The following ABL1 variants were observed in gnomAD, a reference collection of about 807,000 sequenced individuals.
The protein encoded by ABL1 is tyrosine-protein kinase ABL1.
A neutral mutation model predicts 94.7 loss-of-function variants in ABL1; 11 were observed. The ratio of observed to expected loss-of-function variants is 0.12; its 90% confidence interval spans 0.07 to 0.19. ABL1 has a LOEUF of 0.19. Ranked by LOEUF, ABL1 falls within the 10% of genes least tolerant of loss-of-function variation. ABL1 has a pLI of 1.00. For synonymous variants in ABL1, 656 were observed against 622.4 expected, an observed-to-expected ratio of 1.05 and a Z score of -0.80; for missense variants, 1,082 against 1,489.4, an observed-to-expected ratio of 0.73 and a Z score of 4.50.
At chr9:130,747,559 A>G (rs1481133033) in intron 1 of ABL1, among the ~76,000 whole-genome samples, 1 of 152,132 alleles carries the variant, frequency 6.6e-6, no homozygotes, top group Non-Finnish European at 1.5e-5. Flanking sequence ...GATTACAAGC[A>G]TGCGCCACAA....
At chr9:130,725,704 A>G (rs1445951379) in intron 1 of ABL1, among the ~76,000 whole-genome samples, 1 of 151,634 alleles carries the variant, frequency 6.6e-6, no homozygotes, top group East Asian at 1.9e-4. Context: ...TTAAAGGTGC[A>G]TCTGTTGTTA....
intron 1 of ABL1, among the ~76,000 whole-genome samples, chr9:130,844,037 A>C (rs1830719368): frequency 1.3e-5 from 2 of 152,146 alleles, no homozygotes; most frequent in Non-Finnish European, 2.9e-5. Context: ...AAAGCACATC[A>C]TGATCCCAGC....
chr9:130,714,502 A>G (rs1025153363), intron 1 of ABL1: 8 of 1,613,530 alleles, frequency 5.0e-6, no homozygotes, highest in South Asian at 1.1e-5. Context: ...TCATGCATTC[A>G]TCTTAGGCCT....
chr9:130,757,729 G>C (rs886869378), intron 1 of ABL1, among the ~76,000 whole-genome samples: 6 of 151,846 alleles, frequency 4.0e-5, no homozygotes, highest in Admixed American at 1.3e-4. Flanking sequence ...TTGTTATAGA[G>C]ATGGGGTTTC....
rs1484918308 is a variant in ABL1 at position 130,814,378 on chromosome 9, A to G, written c.137-39686A>G. Among the ~76,000 whole-genome samples, 1 of 152,240 alleles carries G rather than the reference A, an allele frequency of 6.6e-6. No individual in the cohort carries two copies. The highest frequency in any genetic ancestry group is 1.9e-4 in the East Asian group (1 of 5,202). ...TACAGAAATCATGAAACCAAAAGCTAGTTATTTGAGAGAGCAATGAAACTC... is the reference window on the plus strand; with the variant it reads ...TACAGAAATCATGAAACCAAAAGCTGGTTATTTGAGAGAGCAATGAAACTC... On this transcript the variant is annotated intron_variant, in intron 1 of 10. Coordinates refer to the ABL1 transcript ENST00000372348. The surrounding 1 kb of genome is among the most constrained non-coding windows in gnomAD (Gnocchi z 4.4).
chr9:130,732,447 CCTT>C (rs1831678784), intron 1 of ABL1, among the ~76,000 whole-genome samples: 1 of 152,088 alleles, frequency 6.6e-6, no homozygotes, highest in Admixed American at 6.6e-5. Context: ...CCAGCAGTAT[CCTT>C]TATCTATAAT....
intron 1 of ABL1, among the ~76,000 whole-genome samples, chr9:130,825,668 C>A (rs1028302047): frequency 1.3e-5 from 2 of 152,110 alleles, no homozygotes; most frequent in African/African-American, 4.8e-5. Flanking sequence ...TAAAAACAAA[C>A]AAGACTTAGT....
chr9:130,802,116 G>A (rs997580422), intron 1 of ABL1, among the ~76,000 whole-genome samples: 2 of 104,216 alleles, frequency 1.9e-5, no homozygotes, highest in African/African-American at 1.1e-4. Flanking sequence ...TTTTTGAAAT[G>A]GTCTCTCTCT....
chr9:130,768,724 A>C (rs1340775434), intron 1 of ABL1, among the ~76,000 whole-genome samples: 1 of 152,238 alleles, frequency 6.6e-6, no homozygotes, highest in East Asian at 1.9e-4. Flanking sequence ...TGTCTATAAT[A>C]GGCCCACTCT....
intron 1 of ABL1, among the ~76,000 whole-genome samples, chr9:130,732,670 A>G (rs1831681531): frequency 6.6e-6 from 1 of 152,078 alleles, no homozygotes; most frequent in South Asian, 2.1e-4. Context: ...CCCTGTTACC[A>G]TCTTCAGGTT....
intron 1 of ABL1, among the ~76,000 whole-genome samples, chr9:130,720,761 G>GAGTGATGATGCTTGGACCAA (rs1831504006): frequency 6.6e-6 from 1 of 152,174 alleles, no homozygotes; most frequent in African/African-American, 2.4e-5. Flanking sequence ...AGCCAGGTAA[G>GAGTGATGATGCTTGGACCAA]AGTGATGATG....
In ABL1 at chr9:130,880,040, T is replaced by G. The variant is rs200067673; in HGVS notation, c.1424-28T>G. 1 of 1,602,378 alleles carries G rather than the reference T, an allele frequency of 6.2e-7. No individual in the cohort carries two copies. Among genetic ancestry groups the G allele is most frequent in the African/African-American group, 1.3e-5 (1 of 74,798 alleles). On this transcript the variant is annotated intron_variant, in intron 8 of 10. Transcript: ENST00000318560. This position sits in a 1 kb window ranked among gnomAD's most constrained non-coding sequence, Gnocchi z 4.4. ...CGTATTGCTAGCCAGATCTCATGGA[T>G]GATCTGACTTGGGTTTCATCTGTCC... is the stretch of plus-strand genomic sequence containing the variant.
chr9:130,769,365 G>A (rs1042931789), intron 1 of ABL1, among the ~76,000 whole-genome samples: 3 of 100,422 alleles, frequency 3.0e-5, no homozygotes, highest in Non-Finnish European at 5.8e-5. Context: ...TTGGAGTTTC[G>A]CTCTTGTCCA....
chr9:130,878,293 G>T, intron 7 of ABL1, 122 bp from the exon 8 acceptor site: 1 of 1,190,702 alleles, frequency 8.4e-7, no homozygotes. Flanking sequence ...TAAAATGTCA[G>T]AGCCTGGGCT....
chr9:130,842,423 A>G (rs190803637), intron 1 of ABL1, among the ~76,000 whole-genome samples: 3 of 152,340 alleles, frequency 2.0e-5, no homozygotes, highest in East Asian at 3.9e-4. Context: ...CCTAGTCTTT[A>G]TCTGTCTTAC....
chr9:130,738,574 A>G (rs1463559009), intron 1 of ABL1, among the ~76,000 whole-genome samples: 1 of 152,204 alleles, frequency 6.6e-6, no homozygotes, highest in East Asian at 1.9e-4. Context: ...TTGTTTCATT[A>G]TCATGTTGAT....
chr9:130,781,370 A>G (rs1177159349), intron 1 of ABL1, among the ~76,000 whole-genome samples: 1 of 152,010 alleles, frequency 6.6e-6, no homozygotes, highest in Non-Finnish European at 1.5e-5. Flanking sequence ...CCCCATCCCC[A>G]CCCTCAGGCA....
chr9:130,885,777 T>G lies in ABL1; in HGVS notation c.*94T>G, dbSNP rs1190742324. 2 of 1,459,658 alleles carry G rather than the reference T, an allele frequency of 1.4e-6. No homozygotes were observed. The highest frequency in any genetic ancestry group is 1.8e-6 in the Non-Finnish European group (2 of 1,093,526). The allele number at this position is 1,459,658 out of a possible 1,614,324, so 90.4% of individuals were successfully genotyped here. ...GTGACAGTGGCTGACAAGGGACTAG[T>G]GAGTCAGCACCTTGGCCCAGGAGCT... On this transcript the variant is annotated 3_prime_UTR_variant, in exon 11 of 11. Transcript: ENST00000318560.
At chr9:130,797,396 A>C (rs1277685319) in intron 1 of ABL1, among the ~76,000 whole-genome samples, 1 of 152,072 alleles carries the variant, frequency 6.6e-6, no homozygotes, top group Non-Finnish European at 1.5e-5. Context: ...TTGTTTTGAG[A>C]CAAGTACTCG....
Sources: allele counts gnomAD v4.1 joint callset (sites outside exome capture counted in the v4.1 genomes callset), GRCh38; gene constraint gnomAD v4.1.1; non-coding constraint Gnocchi (gnomAD v3.1); transcripts MANE v1.5; gene names NCBI Gene and HGNC (gene_info 2026-07-23, HGNC 2026-07-21).